Variants in PAX5 observed in about 807,000 individuals in gnomAD.
PAX5 encodes paired box 5.
PAX5 carries 9 observed loss-of-function variants against 43.7 expected under a neutral mutation model. That is an observed-to-expected ratio of 0.21 (90% CI 0.12 to 0.36). PAX5 has a LOEUF of 0.36. Ranked by LOEUF, PAX5 falls within the 10% of genes least tolerant of loss-of-function variation. PAX5 has a pLI of 1.00. For synonymous variants in PAX5, 228 were observed against 214.3 expected, an observed-to-expected ratio of 1.06 and a Z score of -0.56; for missense variants, 383 against 532.7, an observed-to-expected ratio of 0.72 and a Z score of 2.77.
intron 1 of PAX5, chr9:37,026,858 G>T (rs556544644): frequency 8.8e-6 from 3 of 340,350 alleles, no homozygotes; most frequent in East Asian, 1.7e-4. Flanking sequence ...TCCGGGCCCA[G>T]CCCGGGGTAG....
Position 37,034,125 on chromosome 9 carries a change from T to G in PAX5, c.-94A>C. The G allele has an allele frequency of 1.3e-6, 1 of 742,630 alleles. No individual in the cohort carries two copies. Among genetic ancestry groups the G allele is most frequent in the Non-Finnish European group, 2.2e-6 (1 of 460,226 alleles). 46.0% of individuals were successfully genotyped at this position (742,630 alleles called of 1,614,324 possible). A position where few individuals can be genotyped will look rare whatever the true frequency, so the allele number is the denominator to read the frequency against. On this transcript the variant is annotated 5_prime_UTR_variant, in exon 1 of 10. Coordinates refer to ENST00000358127, the MANE Select transcript of PAX5 (RefSeq NM_016734.3). ...TTTTTTTTTTTTTTTTTTTTTTTTT[T>G]TGGTGCCAGGGGCCGCTCACAGGTC... is the stretch of plus-strand genomic sequence containing the variant.
intron 6 of PAX5, among the ~76,000 whole-genome samples, chr9:36,946,611 T>C (rs768627010): frequency 1.7e-4 from 26 of 152,326 alleles, no homozygotes; most frequent in South Asian, 6.2e-4. Context: ...TGTGTGAACA[T>C]GTCTGAGTTG....
At chr9:36,897,950 C>T (rs1828013477) in intron 7 of PAX5, among the ~76,000 whole-genome samples, 1 of 152,202 alleles carries the variant, frequency 6.6e-6, no homozygotes, top group African/African-American at 2.4e-5. Context: ...GGGCAACACA[C>T]ACAGAAATCC....
At chr9:36,860,341 GA>G (rs999543523) in intron 8 of PAX5, among the ~76,000 whole-genome samples, 2 of 150,260 alleles carry the variant, frequency 1.3e-5, no homozygotes, top group East Asian at 1.9e-4. Flanking sequence ...TCTCAAAAAA[GA>G]AAAAAAAATC....
intron 5 of PAX5, among the ~76,000 whole-genome samples, chr9:36,981,145 C>T (rs1588138733): frequency 6.6e-6 from 1 of 151,022 alleles, no homozygotes; most frequent in African/African-American, 2.4e-5. Flanking sequence ...TCTGCTCAAA[C>T]GTCAGCTCAT....
intron 7 of PAX5, among the ~76,000 whole-genome samples, chr9:36,911,271 G>A (rs1010793402): frequency 1.3e-5 from 2 of 152,184 alleles, no homozygotes; most frequent in Non-Finnish European, 2.9e-5. Context: ...GGCACAGAGC[G>A]AGAGCCCAAT....
chr9:36,848,492 A>G (rs1822818905), intron 8 of PAX5, among the ~76,000 whole-genome samples: 1 of 152,084 alleles, frequency 6.6e-6, no homozygotes, highest in African/African-American at 2.4e-5. Flanking sequence ...AGGTTCTGGC[A>G]TGCAGAGGGA....
In PAX5 at chr9:36,937,343, C is replaced by T. The variant is rs188273970; in HGVS notation, c.781-13859G>A. On this transcript the variant is annotated intron_variant, in intron 6 of 9. Coordinates refer to ENST00000358127, the MANE Select transcript of PAX5 (RefSeq NM_016734.3). ...GTGTCCAGTTCACCCCCCAGCAGTGCGACTCCAGAGTCCAAGCTCTGAAAC... is the reference window on the plus strand; with the variant it reads ...GTGTCCAGTTCACCCCCCAGCAGTGTGACTCCAGAGTCCAAGCTCTGAAAC... Among the ~76,000 whole-genome samples, 86 of 152,262 alleles carry T rather than the reference C, an allele frequency of 5.6e-4. 1 individual carries two copies. Among genetic ancestry groups the T allele is most frequent in the Admixed American group, 2.6e-4 (4 of 15,296 alleles).
chr9:36,855,952 C>G (rs1823631061), intron 8 of PAX5, among the ~76,000 whole-genome samples: 1 of 152,246 alleles, frequency 6.6e-6, no homozygotes, highest in Non-Finnish European at 1.5e-5. Flanking sequence ...AGCAGTCCCC[C>G]ACTGGTCCCT....
intron 8 of PAX5, among the ~76,000 whole-genome samples, chr9:36,854,574 A>G (rs1016737323): frequency 2.6e-5 from 4 of 152,246 alleles, no homozygotes; most frequent in Middle Eastern, 3.4e-3. Flanking sequence ...GTGACCTCCA[A>G]GGGCTTTCAG....
intron 6 of PAX5, among the ~76,000 whole-genome samples, chr9:36,960,039 C>A (rs190231283): frequency 1.3e-5 from 2 of 152,208 alleles, no homozygotes; most frequent in Non-Finnish European, 2.9e-5. Context: ...GCAATTACTA[C>A]AGCAATCACT....
At chr9:36,915,424 T>G (rs1308726847) in intron 7 of PAX5, among the ~76,000 whole-genome samples, 1 of 152,236 alleles carries the variant, frequency 6.6e-6, no homozygotes, top group Non-Finnish European at 1.5e-5. Flanking sequence ...TGTTTTAATT[T>G]ACAGTTTTAA....
chr9:36,944,088 G>A (rs1252300628), intron 6 of PAX5, among the ~76,000 whole-genome samples: 1 of 152,134 alleles, frequency 6.6e-6, no homozygotes, highest in South Asian at 2.1e-4. Flanking sequence ...GAAGGCTGAC[G>A]CAGGAAGATT....
At chr9:37,023,909 T>A (rs1840070190) in intron 1 of PAX5, among the ~76,000 whole-genome samples, 1 of 152,192 alleles carries the variant, frequency 6.6e-6, no homozygotes, top group South Asian at 2.1e-4. Context: ...ATATACATGG[T>A]TAGACTAGAC....
At chr9:36,851,748 G>A (rs1235532483) in intron 8 of PAX5, among the ~76,000 whole-genome samples, 2 of 152,204 alleles carry the variant, frequency 1.3e-5, no homozygotes, top group South Asian at 2.1e-4. Context: ...GGAGGGGCAG[G>A]CAGATGGCCC....
At chr9:36,973,434 G>C (rs1222672344) in intron 5 of PAX5, among the ~76,000 whole-genome samples, 1 of 152,154 alleles carries the variant, frequency 6.6e-6, no homozygotes, top group African/African-American at 2.4e-5. Context: ...ATGTGACTTG[G>C]GGCATTTTTC....
intron 6 of PAX5, among the ~76,000 whole-genome samples, chr9:36,959,544 C>T (rs1218284842): frequency 1.3e-5 from 2 of 152,222 alleles, no homozygotes; most frequent in African/African-American, 4.8e-5. Context: ...GAGCTTGGCC[C>T]TGAGCACAGC....
In PAX5 at chr9:37,033,978, G is replaced by C. The variant is rs370386727; in HGVS notation, c.46+8C>G. On this transcript the variant is annotated splice_region_variant and intron_variant, in intron 1 of 9. Coordinates refer to ENST00000358127, the MANE Select transcript of PAX5 (RefSeq NM_016734.3). ...TTTGCACATCTGGAGCCCGTATCGCGGTCCTACCTGTCCTGCTGGTCCGAG... is the reference window on the plus strand; with the variant it reads ...TTTGCACATCTGGAGCCCGTATCGCCGTCCTACCTGTCCTGCTGGTCCGAG... The C allele has an allele frequency of 7.1e-5, 114 of 1,611,438 alleles. No individual in the cohort carries two copies. In the African/African-American group the frequency reaches 1.4e-3, roughly 20 times the overall value.
intron 8 of PAX5, among the ~76,000 whole-genome samples, chr9:36,864,961 G>A (rs1587805435): frequency 1.3e-5 from 2 of 152,242 alleles, no homozygotes; most frequent in East Asian, 3.8e-4. Context: ...GGCGGGCTGG[G>A]GTGTGGAGAG....
Sources: gnomAD v4.1 joint callset for allele counts (sites outside exome capture counted in the v4.1 genomes callset) on GRCh38, gnomAD v4.1.1 for gene constraint, MANE v1.5 for transcripts, NCBI Gene and HGNC (gene_info 2026-07-23, HGNC 2026-07-21) for gene names.